EPHX3: variants seen among roughly 807,000 people sequenced by gnomAD.
EPHX3 encodes the protein epoxide hydrolase 3.
EPHX3 carries 39 observed loss-of-function variants against 40.2 expected under a neutral mutation model. The ratio of observed to expected loss-of-function variants is 0.97; its 90% CI spans 0.75 to 1.27. EPHX3 has a LOEUF of 1.27. Ranked by LOEUF, EPHX3 falls within the 50% of genes most tolerant of loss-of-function variation. The probability of loss-of-function intolerance (pLI) is 0.00; values close to 1 mark genes in which losing one functional copy is unlikely to be tolerated. For missense variants in EPHX3, 442 were observed against 474.0 expected, an observed-to-expected ratio of 0.93 and a Z score of 0.63; for synonymous variants, 213 against 209.7, an observed-to-expected ratio of 1.02 and a Z score of -0.14.
chr19:15,231,030 G>A lies in EPHX3; in HGVS notation c.548C>T (p.Ser183Phe). The change falls in exon 4 of 7, where the codon TCC becomes TTC. Residue 183 changes from serine (S) to phenylalanine (F), a missense_variant. Physicochemically the swap from Ser to Phe is radical, Grantham distance 155 (BLOSUM62 -2). Transcript: ENST00000221730. ...CTCGACCAGGGATGGGTAGTAGATGGAGAAATGCCAGGCAAGGAGGGCACC... is the reference window on the plus strand; with the variant it reads ...CTCGACCAGGGATGGGTAGTAGATGAAGAAATGCCAGGCAAGGAGGGCACC... ...DWGALLAWHF[S>F]IYYPSLVERM... The A allele has an allele frequency of 5.0e-6, 8 of 1,614,128 alleles. No homozygotes were observed. Among genetic ancestry groups the A allele is most frequent in the Non-Finnish European group, 6.8e-6 (8 of 1,180,038 alleles).
In EPHX3 at chr19:15,227,916, A is replaced by C; in HGVS notation, c.721-9T>G. The C allele has an allele frequency of 2.5e-6, 4 of 1,613,954 alleles. No individual in the cohort carries two copies. The highest frequency in any genetic ancestry group is 2.5e-6 in the Non-Finnish European group (3 of 1,179,994). ...AGGGTGGTCTTCAGAATCTAGGTAC[A>C]CAGCAGGACTCTGGCTTCAGTGCCC... On this transcript the variant is annotated splice_polypyrimidine_tract_variant and intron_variant, in intron 5 of 6. Transcript: ENST00000221730.
chr19:15,231,214 G>A (rs922241814), intron 3 of EPHX3, 25 bp downstream of exon 3: 17 of 1,613,484 alleles, frequency 1.1e-5, no homozygotes, highest in Admixed American at 1.7e-5. Flanking sequence ...GGGAGGCCAC[G>A]CCTAGGATGG....
rs2047155021 is a variant in EPHX3, at chr19:15,231,632, C to A, written c.329+144G>T. The A allele has an allele frequency of 3.0e-6, 3 of 988,492 alleles. No individual in the cohort carries two copies. In the Admixed American group the frequency reaches 6.6e-5, roughly 22 times the overall value. The allele number at this position is 988,492 out of a possible 1,614,324, so 61.2% of individuals were successfully genotyped here. A position where few individuals can be genotyped will look rare whatever the true frequency, so the allele number is the denominator to read the frequency against. ...TCCTGTCCCTTCAGGGCCTAGGGATCCTGGGTATGCTGGCTCAGTACCCCT... is the reference window on the plus strand; with the variant it reads ...TCCTGTCCCTTCAGGGCCTAGGGATACTGGGTATGCTGGCTCAGTACCCCT... On this transcript the variant is annotated intron_variant, in intron 2 of 6. Transcript: ENST00000221730.
At position 15,227,783 on chromosome 19, in the gene EPHX3, C is replaced by T. The variant is rs778797068; in HGVS notation, c.845G>A (p.Arg282Gln). The change falls in exon 6 of 7, where the codon CGA becomes CAA. Residue 282 changes from arginine (R) to glutamine (Q), a missense_variant. Arg to Gln is a conservative substitution (Grantham distance 43, BLOSUM62 1). Transcript: ENST00000221730. ...CAACTGGTCTCACCTGAAGAGGTTT[C>T]GGTAGTAGTTGAGGGGCCCAGTGAG... is the stretch of plus-strand genomic sequence containing the variant. ...GGLTGPLNYY[R>Q]NLFRNFPLEP... 9.9e-6 allele frequency: 16 copies of T among 1,613,724 alleles called. No individual in the cohort carries two copies. Among genetic ancestry groups the T allele is most frequent in the East Asian group, 4.5e-5 (2 of 44,858 alleles).
chr19:15,228,503 A>ATTTTTTTTTTTT (rs780716729), intron 4 of EPHX3, among the ~76,000 whole-genome samples: 4 of 62,700 alleles, frequency 6.4e-5, no homozygotes, highest in African/African-American at 1.5e-4. Flanking sequence ...TGTATCTATA[A>ATTTTTTTTTTTT]TTTTTTTTTT....
Position 15,227,845 on chromosome 19 carries a change from G to C in EPHX3, c.783C>G (p.Leu261=). Residue 261 remains leucine, a synonymous_variant, in exon 6 of 7, where the codon CTC becomes CTG. Transcript: ENST00000221730. ...GTGAGAAGTTATAAAGGAAGGCCTC[G>C]AGCTCGCTGGGGGTCAAGCATGGGA... is the stretch of plus-strand genomic sequence containing the variant. ...TGIPCLTPSE[L]EAFLYNFSQP... 1.2e-6 allele frequency: 2 copies of C among 1,614,064 alleles called. No individual in the cohort carries two copies. The highest frequency in any genetic ancestry group is 2.2e-5 in the South Asian group (2 of 91,082).
chr19:15,227,338 C>G lies in EPHX3; in HGVS notation c.*99G>C, dbSNP rs952165050. The G allele has an allele frequency of 1.0e-6, 1 of 997,144 alleles. No homozygotes were observed. Among genetic ancestry groups the G allele is most frequent in the Non-Finnish European group, 1.5e-6 (1 of 649,248 alleles). 61.8% of individuals were successfully genotyped at this position (997,144 alleles called of 1,614,324 possible). ...GCCTATGAGCGATTCAAGAGTTCAC[C>G]CATGTATGGACATTGTATGGACTCC... On this transcript the variant is annotated 3_prime_UTR_variant, in exon 7 of 7. Coordinates refer to ENST00000221730, the MANE Select transcript of EPHX3 (RefSeq NM_024794.3).
intron 4 of EPHX3, among the ~76,000 whole-genome samples, chr19:15,228,850 G>T (rs559613499): frequency 7.0e-4 from 106 of 152,130 alleles, no homozygotes; most frequent in African/African-American, 2.5e-3. Context: ...AATTAGCAGG[G>T]TGTGGTGGTG....
intron 4 of EPHX3, 136 bp downstream of exon 4, chr19:15,230,826 C>T (rs1370876916): frequency 8.2e-6 from 10 of 1,220,842 alleles, no homozygotes; most frequent in Admixed American, 2.6e-5. Flanking sequence ...GTTCCACAAC[C>T]GAAGGGACCT....
At position 15,227,507 on chromosome 19, in the gene EPHX3, C is replaced by T. The variant is rs2047120357; in HGVS notation, c.1013G>A (p.Trp338Ter). 6.2e-7 allele frequency: 1 copy of T among 1,614,046 alleles called. No homozygotes were observed. The highest frequency in any genetic ancestry group is 1.1e-5 in the South Asian group (1 of 91,094). Residue 338 changes from tryptophan to a stop codon, truncating the protein, a stop_gained, in exon 7 of 7, where the codon TGG (tryptophan) becomes TAG (stop). Transcript: ENST00000221730. LOFTEE classifies it high-confidence loss of function. ...EAHILPGIGH[W>*]IPQSNPQEMH... ...CTCCTGGGGGTTGCTCTGTGGGATC[C>T]AATGCCCTATGCCTGGCAGGATGTG... is the stretch of plus-strand genomic sequence containing the variant.
At chr19:15,230,658 T>TA (rs1212073271) in intron 4 of EPHX3, among the ~76,000 whole-genome samples, 1 of 151,252 alleles carries the variant, frequency 6.6e-6, no homozygotes, top group Non-Finnish European at 1.5e-5. Flanking sequence ...ATTACATTTT[T>TA]TTTTTTTTTT....
In EPHX3 at chr19:15,228,102, TGGGGTGGGA is replaced by T; in HGVS notation, c.617-11_617-3del. On this transcript the variant is annotated splice_region_variant and splice_polypyrimidine_tract_variant and intron_variant, in intron 4 of 6. Transcript: ENST00000221730. ...GGCTGATGTGGTGCAGGGAATAGTC[TGGGGTGGGA>T]GGGTTGGGGGAGAGATATAAGGCCT... The T allele has an allele frequency of 2.4e-6, 1 of 408,972 alleles. No homozygotes were observed. Among genetic ancestry groups the T allele is most frequent in the Non-Finnish European group, 4.9e-6 (1 of 203,516 alleles). The allele number at this position is 408,972 out of a possible 1,614,324, so 25.3% of individuals were successfully genotyped here. A position where few individuals can be genotyped will look rare whatever the true frequency, so the allele number is the denominator to read the frequency against.
chr19:15,230,815 A>G, intron 4 of EPHX3, 147 bp downstream of exon 4: 2 of 1,042,874 alleles, frequency 1.9e-6, no homozygotes, highest in South Asian at 3.4e-5. Context: ...CCGAATGAGG[A>G]GTTCCACAAC....
At chr19:15,235,591 TGTAA>T (rs1367493437), upstream of EPHX3, 1 of 151,950 alleles carries the variant, frequency 6.6e-6, no homozygotes. Flanking sequence ...ACCTTTCGTA[TGTAA>T]GTGAAAAGTC....
At chr19:15,231,114 A>G in intron 3 of EPHX3, 24 bp from the exon 4 acceptor site, 1 of 1,613,774 alleles carries the variant, frequency 6.2e-7, no homozygotes, top group Non-Finnish European at 8.5e-7. Flanking sequence ...AGGAGCTCGC[A>G]TAAGTGAGGT....
intron 1 of EPHX3, 39 bp downstream of exon 1, chr19:15,231,930 C>A: frequency 1.2e-6 from 2 of 1,612,616 alleles, no homozygotes; most frequent in East Asian, 2.2e-5. Flanking sequence ...CTCGACCCCA[C>A]GCGACCCCGC....
At chr19:15,234,504 T>C (rs2047177501), upstream of EPHX3, among the ~76,000 whole-genome samples, 1 of 152,144 alleles carries the variant, frequency 6.6e-6, no homozygotes, top group African/African-American at 2.4e-5. Flanking sequence ...GACGACTTGC[T>C]ATATTGTCCA....
At chr19:15,229,262 C>T (rs1459071568) in intron 4 of EPHX3, among the ~76,000 whole-genome samples, 1 of 152,042 alleles carries the variant, frequency 6.6e-6, no homozygotes, top group African/African-American at 2.4e-5. Flanking sequence ...TATCTGCAGT[C>T]CCCGCTACTC....
intron 4 of EPHX3, among the ~76,000 whole-genome samples, chr19:15,228,973 A>G (rs924236365): frequency 3.3e-5 from 5 of 152,052 alleles, no homozygotes; most frequent in African/African-American, 4.8e-5. Context: ...CCTGGACCAC[A>G]GAACAAGACT....
Sources: allele counts gnomAD v4.1 joint callset (sites outside exome capture counted in the v4.1 genomes callset), GRCh38; gene constraint gnomAD v4.1.1; transcripts MANE v1.5; gene names NCBI Gene and HGNC (gene_info 2026-07-23, HGNC 2026-07-21).